The following UBE3C variants were observed in gnomAD, a reference collection of about 807,000 sequenced individuals.
UBE3C encodes ubiquitin-protein ligase E3C.
Under a neutral mutation model 129.4 loss-of-function variants are expected in UBE3C, and 42 were observed. The observed-to-expected ratio is 0.32, with a 90% CI of 0.25 to 0.42. UBE3C has a LOEUF of 0.42. Among genes scored for constraint, UBE3C ranks in the 10% least tolerant of loss-of-function variants. The pLI, the probability that UBE3C is intolerant of heterozygous loss-of-function variation, is 1.00. For synonymous variants in UBE3C, 510 were observed against 492.4 expected (o/e 1.04, Z -0.47); for missense variants, 1,049 against 1,319.1 (o/e 0.80, Z 3.17).
chr7:157,241,936 A>T (rs1029759043), intron 18 of UBE3C, among the ~76,000 whole-genome samples: 1 of 152,226 alleles, frequency 6.6e-6, no homozygotes, highest in African/African-American at 2.4e-5. Context: ...TTCCATTTAT[A>T]TGAAATGTCC....
intron 1 of UBE3C, among the ~76,000 whole-genome samples, chr7:157,143,120 G>T (rs1167082493): frequency 2.0e-5 from 3 of 152,098 alleles, no homozygotes; most frequent in Non-Finnish European, 4.4e-5. Context: ...GCCTGCCTCA[G>T]CCTCCCAAAG....
intron 18 of UBE3C, among the ~76,000 whole-genome samples, chr7:157,237,583 T>A (rs529770972): frequency 6.6e-6 from 1 of 152,322 alleles, no homozygotes; most frequent in African/African-American, 2.4e-5. Flanking sequence ...TAGTTAAACA[T>A]CTGAAATTCA....
At chr7:157,189,219 A>G (rs1308865259) in intron 10 of UBE3C, 4 of 358,162 alleles carry the variant, frequency 1.1e-5, no homozygotes, top group Non-Finnish European at 1.5e-5. Context: ...CACTATTTTT[A>G]TATCACTTTT....
intron 18 of UBE3C, among the ~76,000 whole-genome samples, chr7:157,246,017 G>C (rs1189319557): frequency 7.7e-6 from 1 of 129,606 alleles, no homozygotes; most frequent in African/African-American, 2.7e-5. Flanking sequence ...AAAAAAAACA[G>C]TGTTCTTCAC....
chr7:157,260,058 T>C (rs1168501592), intron 22 of UBE3C, among the ~76,000 whole-genome samples: 1 of 151,830 alleles, frequency 6.6e-6, no homozygotes, highest in Non-Finnish European at 1.5e-5. Flanking sequence ...TTAAACGTGT[T>C]AGTGAATACC....
At chr7:157,258,829 G>A (rs530783665) in intron 22 of UBE3C, among the ~76,000 whole-genome samples, 1 of 152,182 alleles carries the variant, frequency 6.6e-6, no homozygotes, top group Non-Finnish European at 1.5e-5. Context: ...TATTTTAAAT[G>A]TATAGAAAAG....
intron 5 of UBE3C, among the ~76,000 whole-genome samples, chr7:157,176,153 TA>T (rs1808512347): frequency 6.6e-6 from 1 of 152,228 alleles, no homozygotes. Context: ...CTTTTATTTT[TA>T]AAAATTTCTA....
At chr7:157,141,024 G>C (rs890353847) in intron 1 of UBE3C, among the ~76,000 whole-genome samples, 7 of 152,174 alleles carry the variant, frequency 4.6e-5, no homozygotes, top group Admixed American at 3.9e-4. Context: ...ATCTCACCAG[G>C]AGCATGCTAC....
intron 10 of UBE3C, chr7:157,198,355 G>T: frequency 1.3e-6 from 1 of 773,690 alleles, no homozygotes; most frequent in Non-Finnish European, 2.4e-6. Context: ...GTTCTTCCAA[G>T]GCCAGTTTAT....
chr7:157,267,739 G>C lies in UBE3C; in HGVS notation c.3236G>C (p.Gly1079Ala). 6.2e-7 allele frequency: 1 copy of C among 1,607,146 alleles called. No homozygotes were observed. The highest frequency in any genetic ancestry group is 8.5e-7 in the Non-Finnish European group (1 of 1,176,724). Residue 1079 changes from glycine (G) to alanine (A), a missense_variant, in exon 23 of 23, where the codon GGC (glycine) becomes GCC (alanine). Gly to Ala is a moderately conservative substitution (Grantham distance 60, BLOSUM62 0). Transcript: ENST00000348165. ...KLLYAIECAA[G>A]FELS ...CTCTATGCGATTGAATGTGCCGCTG[G>C]CTTTGAGCTGAGCTGAAGCTGATGC...
At position 157,210,478 on chromosome 7, in the gene UBE3C, C is replaced by G. The variant is rs561868415; in HGVS notation, c.1809+2543C>G. On this transcript the variant is annotated intron_variant, in intron 13 of 22. Transcript: ENST00000348165. The stretch of plus-strand genomic sequence containing the variant: ...TATGAACTTACACCTCTGTAGTTAA[C>G]TGTGTTTTAGGCAGTATTCTAAGAG... 3.9e-5 allele frequency among the ~76,000 whole-genome samples: 6 copies of G among 152,154 alleles called. No homozygotes were observed. In the South Asian group the frequency reaches 1.2e-3, roughly 32 times the overall value.
In UBE3C at chr7:157,249,182, T is replaced by C. The variant is rs1185422423; in HGVS notation, c.2694+602T>C. On this transcript the variant is annotated intron_variant, in intron 19 of 22. Coordinates refer to ENST00000348165, the MANE Select transcript of UBE3C (RefSeq NM_014671.3). ...TAGAGGTGTGCAGCCATCATCACCC[T>C]AGCCAATGTTAGCACATTTTCCTCG... Among the ~76,000 whole-genome samples, 3 of 152,084 alleles carry C rather than the reference T, an allele frequency of 2.0e-5. No homozygotes were observed. In the South Asian group the frequency reaches 6.2e-4, roughly 32 times the overall value.
intron 22 of UBE3C, among the ~76,000 whole-genome samples, chr7:157,265,383 T>TA (rs1421151320): frequency 6.6e-6 from 1 of 152,240 alleles, no homozygotes; most frequent in Non-Finnish European, 1.5e-5. Flanking sequence ...GGTGTTTGTG[T>TA]ATACGAGGAA....
At chr7:157,252,687 AC>A (rs1273683547) in intron 19 of UBE3C, among the ~76,000 whole-genome samples, 1 of 152,258 alleles carries the variant, frequency 6.6e-6, no homozygotes, top group Non-Finnish European at 1.5e-5. Flanking sequence ...AGAGACTGGG[AC>A]ATCAGTGCCA....
At chr7:157,154,102 T>G (rs1412205560) in intron 1 of UBE3C, among the ~76,000 whole-genome samples, 5 of 151,934 alleles carry the variant, frequency 3.3e-5, no homozygotes, top group Non-Finnish European at 7.4e-5. Flanking sequence ...GGTGGGTGGA[T>G]CACGAGGTCA....
chr7:157,189,725 C>A (rs927829583), intron 10 of UBE3C, among the ~76,000 whole-genome samples: 4 of 151,518 alleles, frequency 2.6e-5, no homozygotes, highest in Non-Finnish European at 5.9e-5. Flanking sequence ...TTTACTTGGG[C>A]TTCTCAGTTT....
chr7:157,231,018 A>C, intron 17 of UBE3C, 62 bp from the exon 18 acceptor site: 1 of 1,591,172 alleles, frequency 6.3e-7, no homozygotes, highest in Non-Finnish European at 8.6e-7. Flanking sequence ...CTGTAAGGCT[A>C]GTTGATGTTA....
Position 157,187,002 on chromosome 7 carries a change from A to G in UBE3C, c.1312A>G (p.Met438Val), listed in dbSNP as rs140842665. 671 of 1,607,266 alleles carry G rather than the reference A, an allele frequency of 4.2e-4. No homozygotes were observed. The highest frequency in any genetic ancestry group is 5.0e-4 in the Non-Finnish European group (589 of 1,176,700). ...CCACACGCTGATGGTGCAGCACCGCATGATGGTACCCAAAGTCAGGCAAGT... is the reference window on the plus strand; with the variant it reads ...CCACACGCTGATGGTGCAGCACCGCGTGATGGTACCCAAAGTCAGGCAAGT... Reference protein sequence around the residue: ...VCHTLMVQHRMMVPKVRLLYS... With the variant: ...VCHTLMVQHRVMVPKVRLLYS... The change falls in exon 10 of 23, where the codon ATG (methionine) becomes GTG (valine). Residue 438 changes from methionine to valine, a missense_variant. Physicochemically the swap from Met to Val is conservative, Grantham distance 21. Coordinates refer to ENST00000348165, the MANE Select transcript of UBE3C (RefSeq NM_014671.3).
intron 13 of UBE3C, among the ~76,000 whole-genome samples, chr7:157,212,794 G>A (rs1239489690): frequency 3.3e-5 from 5 of 152,002 alleles, no homozygotes; most frequent in South Asian, 2.1e-4. Context: ...ACAGGGTTTC[G>A]TTCTGTTGCC....
Sources: allele counts gnomAD v4.1 joint callset (sites outside exome capture counted in the v4.1 genomes callset), GRCh38; gene constraint gnomAD v4.1.1; transcripts MANE v1.5; gene names NCBI Gene and HGNC (gene_info 2026-07-23, HGNC 2026-07-21).